DIPK1A: variants seen among roughly 807,000 people sequenced by gnomAD.
DIPK1A encodes family with sequence similarity 69 member A.
A neutral mutation model predicts 40.8 loss-of-function variants in DIPK1A; 27 were observed. That is an observed-to-expected ratio of 0.66 (90% CI 0.49 to 0.91). DIPK1A has a LOEUF of 0.91. DIPK1A is among the 40% of genes least tolerant of loss of function. DIPK1A has a pLI of 0.00. For synonymous variants in DIPK1A, 166 were observed against 171.3 expected (o/e 0.97, Z 0.24); for missense variants, 412 against 505.7 (o/e 0.81, Z 1.78).
intron 1 of DIPK1A, among the ~76,000 whole-genome samples, chr1:92,897,547 C>T (rs1292597190): frequency 6.6e-6 from 1 of 152,040 alleles, no homozygotes; most frequent in Non-Finnish European, 1.5e-5. Flanking sequence ...AGGAGATATA[C>T]CTAATGTTAA....
intron 2 of DIPK1A, among the ~76,000 whole-genome samples, chr1:92,856,663 C>T (rs909528507): frequency 1.3e-5 from 2 of 152,142 alleles, no homozygotes; most frequent in Non-Finnish European, 2.9e-5. Flanking sequence ...GTTATCCACC[C>T]GCCTTGGCCT....
intron 2 of DIPK1A, among the ~76,000 whole-genome samples, chr1:92,854,526 T>C (rs574387496): frequency 9.2e-5 from 14 of 152,140 alleles, no homozygotes; most frequent in Non-Finnish European, 1.5e-5. Flanking sequence ...GCAGTCCTGA[T>C]AGAGATCAAG....
chr1:92,935,854 G>A (rs565461835), intron 1 of DIPK1A, among the ~76,000 whole-genome samples: 3 of 151,890 alleles, frequency 2.0e-5, no homozygotes, highest in East Asian at 1.9e-4. Context: ...AGGCTGAGGC[G>A]GGAGGATCAG....
chr1:92,843,000 T>C lies in DIPK1A; in HGVS notation c.*383A>G. The stretch of plus-strand genomic sequence containing the variant: ...AAGACATTAGTAAATTTATAAATTT[T>C]CTTGTTGAACAGCAGCTTCAATGCA... On this transcript the variant is annotated 3_prime_UTR_variant, in exon 5 of 5. Coordinates refer to ENST00000370310, the MANE Select transcript of DIPK1A (RefSeq NM_001006605.5). 1 of 994,790 alleles carries C rather than the reference T, an allele frequency of 1.0e-6. No homozygotes were observed. The highest frequency in any genetic ancestry group is 1.2e-6 in the Non-Finnish European group (1 of 836,058). 61.6% of individuals were successfully genotyped at this position (994,790 alleles called of 1,614,324 possible). A position where few individuals can be genotyped will look rare whatever the true frequency, so the allele number is the denominator to read the frequency against.
intron 1 of DIPK1A, among the ~76,000 whole-genome samples, chr1:92,949,491 GGT>G (rs1651542777): frequency 1.3e-5 from 2 of 152,132 alleles, no homozygotes; most frequent in South Asian, 4.2e-4. Context: ...TGGCCAGGTT[GGT>G]CTCGAACTTC....
chr1:92,860,757 G>A (rs1190808410), intron 2 of DIPK1A, among the ~76,000 whole-genome samples: 2 of 151,198 alleles, frequency 1.3e-5, no homozygotes, highest in South Asian at 4.2e-4. Context: ...GCACTCCAGC[G>A]TGGGCGACAG....
chr1:92,890,203 AAG>A (rs1348050852), intron 1 of DIPK1A, among the ~76,000 whole-genome samples: 1 of 152,146 alleles, frequency 6.6e-6, no homozygotes, highest in African/African-American at 2.4e-5. Flanking sequence ...GATTAGTTCT[AAG>A]AGTTTTTTGG....
In DIPK1A at chr1:92,842,385, A is replaced by G; in HGVS notation, c.*998T>C. On this transcript the variant is annotated 3_prime_UTR_variant, in exon 5 of 5. Coordinates refer to ENST00000370310, the MANE Select transcript of DIPK1A (RefSeq NM_001006605.5). ...CCAAAAGGTGTTTAATTTTATGGAGATGTTGAAAGGTACATGCCAAATCTG... is the reference window on the plus strand; with the variant it reads ...CCAAAAGGTGTTTAATTTTATGGAGGTGTTGAAAGGTACATGCCAAATCTG... 1 of 984,356 alleles carries G rather than the reference A, an allele frequency of 1.0e-6. No individual in the cohort carries two copies. 61.0% of individuals were successfully genotyped at this position (984,356 alleles called of 1,614,324 possible).
chr1:92,957,166 G>A (rs1455830204), intron 1 of DIPK1A, among the ~76,000 whole-genome samples: 2 of 152,160 alleles, frequency 1.3e-5, no homozygotes, highest in Non-Finnish European at 2.9e-5. Flanking sequence ...CTCAGACTAT[G>A]AGTAAACCCT....
exon 5 of DIPK1A, chr1:92,832,788 G>A: frequency 3.7e-6 from 2 of 535,490 alleles, no homozygotes; most frequent in Non-Finnish European, 6.6e-6. Context: ...TTTAGCTGAT[G>A]GGGAACAGTG....
chr1:92,954,300 A>C lies in DIPK1A; in HGVS notation c.54+7076T>G, dbSNP rs1205763749. On this transcript the variant is annotated intron_variant, in intron 1 of 4. Transcript: ENST00000370310. ...GCAACAAAGCAAGACCCTGTCTCAC[A>C]AAAAAAAAAATAAATAAATAAATAA... Among the ~76,000 whole-genome samples the C allele has an allele frequency of 4.6e-5, 6 of 130,616 alleles. No homozygotes were observed. In the South Asian group the frequency reaches 8.7e-4, roughly 19 times the overall value. The allele number at this position is 130,616 out of a possible 152,430, so 85.7% of individuals were successfully genotyped here. A position where few individuals can be genotyped will look rare whatever the true frequency, so the allele number is the denominator to read the frequency against.
intron 2 of DIPK1A, among the ~76,000 whole-genome samples, chr1:92,855,835 T>G (rs1432765775): frequency 6.6e-6 from 1 of 151,866 alleles, no homozygotes; most frequent in Non-Finnish European, 1.5e-5. Context: ...TCCCCAGCAC[T>G]TTGGGAGGCT....
In DIPK1A at chr1:92,946,943, CAA is replaced by C. The variant is rs36065493; in HGVS notation, c.54+14431_54+14432del. Among the ~76,000 whole-genome samples the C allele has an allele frequency of 3.9e-3, 420 of 108,374 alleles. 2 individuals are homozygous for C. Among genetic ancestry groups the C allele is most frequent in the African/African-American group, 0.015 (384 of 25,204 alleles). The allele number at this position is 108,374 out of a possible 152,430, so 71.1% of individuals were successfully genotyped here. On this transcript the variant is annotated intron_variant, in intron 1 of 4. Coordinates refer to ENST00000370310, the MANE Select transcript of DIPK1A (RefSeq NM_001006605.5). ...TGGGTGACAGAGTGAGACCCTGTCT[CAA>C]AAAAAAAAAAAAAAAACCACACAGA...
At chr1:92,869,577 A>G (rs1647734914) in intron 2 of DIPK1A, among the ~76,000 whole-genome samples, 1 of 152,090 alleles carries the variant, frequency 6.6e-6, no homozygotes, top group Non-Finnish European at 1.5e-5. Flanking sequence ...TATTTGTGGA[A>G]CCTCTTTTGG....
intron 1 of DIPK1A, among the ~76,000 whole-genome samples, chr1:92,896,641 C>A (rs1472406796): frequency 6.6e-6 from 1 of 150,850 alleles, no homozygotes; most frequent in Non-Finnish European, 1.5e-5. Flanking sequence ...CAACAAAAGC[C>A]AAAATTGACA....
At chr1:92,839,219 C>T (rs1371719037), downstream of DIPK1A, among the ~76,000 whole-genome samples, 1 of 151,948 alleles carries the variant, frequency 6.6e-6, no homozygotes, top group Non-Finnish European at 1.5e-5. Context: ...ATTAGCTGGG[C>T]ATGGTGGCTC....
intron 2 of DIPK1A, among the ~76,000 whole-genome samples, chr1:92,852,265 G>GA (rs1343767156): frequency 6.6e-6 from 1 of 152,190 alleles, no homozygotes; most frequent in Non-Finnish European, 1.5e-5. Context: ...TTGGGGGGCC[G>GA]AGGCAGGTGG....
In DIPK1A at chr1:92,842,368, T is replaced by C; in HGVS notation, c.*1015A>G. On this transcript the variant is annotated 3_prime_UTR_variant, in exon 5 of 5. Transcript: ENST00000370310. ...AATAGTGGTTCTTTTCTCCAAAAGG[T>C]GTTTAATTTTATGGAGATGTTGAAA... The C allele has an allele frequency of 2.0e-6, 2 of 985,216 alleles. No homozygotes were observed. Among genetic ancestry groups the C allele is most frequent in the Non-Finnish European group, 2.4e-6 (2 of 829,722 alleles). The allele number at this position is 985,216 out of a possible 1,614,324, so 61.0% of individuals were successfully genotyped here. A position where few individuals can be genotyped will look rare whatever the true frequency, so the allele number is the denominator to read the frequency against.
chr1:92,961,350 T>A, intron 1 of DIPK1A, 26 bp downstream of exon 1: 1 of 1,490,650 alleles, frequency 6.7e-7, no homozygotes, highest in Non-Finnish European at 9.0e-7. Flanking sequence ...CTCCCGCAGC[T>A]GGTGGCTGGG....
Sources: gnomAD v4.1 joint callset for allele counts (sites outside exome capture counted in the v4.1 genomes callset) on GRCh38, gnomAD v4.1.1 for gene constraint, MANE v1.5 for transcripts, NCBI Gene and HGNC (gene_info 2026-07-23, HGNC 2026-07-21) for gene names.